Variants in ASIC1 observed in about 807,000 individuals in gnomAD.
ASIC1 encodes the protein acid sensing ion channel subunit 1.
Under a neutral mutation model 63.4 loss-of-function variants are expected in ASIC1, and 21 were observed. That is an observed-to-expected ratio of 0.33 (90% CI 0.23 to 0.48). The LOEUF is 0.48. Ranked by LOEUF, ASIC1 falls within the 20% of genes least tolerant of loss-of-function variation. ASIC1 has a pLI of 0.99. For missense variants in ASIC1, 478 were observed against 695.5 expected, an observed-to-expected ratio of 0.69 and a Z score of 3.52; for synonymous variants, 258 against 278.2, an observed-to-expected ratio of 0.93 and a Z score of 0.72.
chr12:50,059,200 C>T lies in ASIC1; in HGVS notation c.362+72C>T, dbSNP rs907661138. 4 of 1,565,874 alleles carry T rather than the reference C, an allele frequency of 2.6e-6. No individual in the cohort carries two copies. The African/African-American group carries it at 5.4e-5, about 21-fold the overall frequency. On this transcript the variant is annotated intron_variant, in intron 2 of 11. Transcript: ENST00000447966. This position sits in a 1 kb window ranked among gnomAD's most constrained non-coding sequence, Gnocchi z 4.6. ...AGTTCCAGTCAGGATGTCTGCCTCC[C>T]TGACCCACCATAGAGCCCAGCCAAC...
At chr12:50,066,354 G>A (rs574516178) in intron 3 of ASIC1, among the ~76,000 whole-genome samples, 1 of 152,270 alleles carries the variant, frequency 6.6e-6, no homozygotes, top group South Asian at 2.1e-4. Context: ...GGTTCTTTGT[G>A]TGTGGCTGTA....
chr12:50,067,103 G>A (rs1273340162), intron 3 of ASIC1, among the ~76,000 whole-genome samples: 4 of 54,154 alleles, frequency 7.4e-5, no homozygotes, highest in Non-Finnish European at 1.6e-4. Flanking sequence ...TTTGTGCTAA[G>A]ATAAAAACTA....
chr12:50,072,572 C>T (rs975054117), intron 3 of ASIC1, among the ~76,000 whole-genome samples: 3 of 152,266 alleles, frequency 2.0e-5, no homozygotes, highest in Admixed American at 6.5e-5. Flanking sequence ...GTCCCCCTGC[C>T]CCACCCCCAG....
chr12:50,081,787 G>A lies in ASIC1; in HGVS notation c.*138G>A. ...CTTTCCTCTTGTCTGTGGTAAGGAA[G>A]GAGTCTTGACCATAGAGTCCTCTCT... On this transcript the variant is annotated 3_prime_UTR_variant, in exon 12 of 12. Transcript: ENST00000447966. 1.4e-6 allele frequency: 1 copy of A among 740,252 alleles called. No homozygotes were observed. The highest frequency in any genetic ancestry group is 2.7e-5 in the East Asian group (1 of 37,074). The allele number at this position is 740,252 out of a possible 1,614,324, so 45.9% of individuals were successfully genotyped here.
Position 50,080,594 on chromosome 12 carries a change from G to GCC in ASIC1, c.1297+6_1297+7insCC, listed in dbSNP as rs1330294677. 1 of 1,614,224 alleles carries GCC rather than the reference G, an allele frequency of 6.2e-7. No individual in the cohort carries two copies. The highest frequency in any genetic ancestry group is 8.5e-7 in the Non-Finnish European group (1 of 1,180,044). On this transcript the variant is annotated splice_donor_region_variant and intron_variant, in intron 9 of 11. Coordinates refer to ENST00000447966, the MANE Select transcript of ASIC1 (RefSeq NM_001095.4). ...ATGAGATTGCAGGGCTCCTGGGTGAGCTGCTGATGACACCTGTCCCCTTCT... is the reference window on the plus strand; with the variant it reads ...ATGAGATTGCAGGGCTCCTGGGTGAGCCCTGCTGATGACACCTGTCCCCTTCT...
intron 3 of ASIC1, among the ~76,000 whole-genome samples, chr12:50,066,427 AAGGGTATAG>A (rs1950546449): frequency 6.6e-6 from 1 of 152,070 alleles, no homozygotes; most frequent in Non-Finnish European, 1.5e-5. Context: ...AAGGGCAAGA[AAGGGTATAG>A]AGAAGAGACC....
chr12:50,080,224 C>A, intron 8 of ASIC1, 169 bp downstream of exon 8: 1 of 964,750 alleles, frequency 1.0e-6, no homozygotes, highest in Non-Finnish European at 1.5e-6. Flanking sequence ...AAGATCAAGC[C>A]AGAATAAGCA....
In ASIC1 at chr12:50,075,456, G is replaced by A. The variant is rs114629086; in HGVS notation, c.559-1757G>A. On this transcript the variant is annotated intron_variant, in intron 3 of 11. Transcript: ENST00000447966. Reference sequence around the variant, plus strand: ...GACACCTCTAATCCCATACAACTCCGGATGGAGTGTAGGCATGGGCATATG... The same window carrying A: ...GACACCTCTAATCCCATACAACTCCAGATGGAGTGTAGGCATGGGCATATG... 7.1e-3 allele frequency among the ~76,000 whole-genome samples: 1,082 copies of A among 152,334 alleles called. 11 individuals are homozygous for A. The highest frequency in any genetic ancestry group is 0.024 in the African/African-American group (1,003 of 41,580).
At chr12:50,080,611 T>C in intron 9 of ASIC1, 22 bp downstream of exon 9, 1 of 1,614,174 alleles carries the variant, frequency 6.2e-7, no homozygotes, top group South Asian at 1.1e-5. Context: ...ATGACACCTG[T>C]CCCCTTCTCA....
intron 3 of ASIC1, among the ~76,000 whole-genome samples, chr12:50,062,075 C>T (rs1434995896): frequency 6.6e-6 from 1 of 152,186 alleles, no homozygotes; most frequent in African/African-American, 2.4e-5. Flanking sequence ...TCACTCCTCC[C>T]TCTGCTCTCT....
At chr12:50,073,776 G>A (rs1300782149) in intron 3 of ASIC1, 1 of 1,536,102 alleles carries the variant, frequency 6.5e-7, no homozygotes, top group East Asian at 2.4e-5. Context: ...CCATGGACTT[G>A]GTGGCCTTTG....
intron 3 of ASIC1, among the ~76,000 whole-genome samples, chr12:50,068,625 A>G (rs1387865884): frequency 6.6e-6 from 1 of 151,658 alleles, no homozygotes; most frequent in Non-Finnish European, 1.5e-5. Flanking sequence ...TAACGTCTCT[A>G]CTTGGATGTC....
rs1950632112 is a variant in ASIC1, at chr12:50,074,332, G to C, written c.559-2881G>C. The C allele has an allele frequency of 7.0e-7, 1 of 1,426,424 alleles. No homozygotes were observed. Among genetic ancestry groups the C allele is most frequent in the South Asian group, 1.5e-5 (1 of 65,802 alleles). 88.4% of individuals were successfully genotyped at this position (1,426,424 alleles called of 1,614,324 possible). ...GTCACCTCCTGGGGTTGGGGCTGGG[G>C]CTGGGGCTGGGGCTGATGACTGTGC... On this transcript the variant is annotated intron_variant, in intron 3 of 11. Transcript: ENST00000447966. This position sits in a 1 kb window ranked among gnomAD's most constrained non-coding sequence, Gnocchi z 4.2.
rs1349077548 is a variant in ASIC1 at position 50,081,625 on chromosome 12, CACGTT to C, written c.1564_1568del (p.Thr522ArgfsTer12). The C allele has an allele frequency of 6.2e-7, 1 of 1,614,090 alleles. No individual in the cohort carries two copies. The highest frequency in any genetic ancestry group is 2.2e-5 in the East Asian group (1 of 44,878). ...TCCTACCTCACCATCCGGCCCGAGG[CACGTT>C]CGAGGACTTTACCTGCTGAGCCCCG... is the stretch of plus-strand genomic sequence containing the variant. On this transcript the variant is annotated frameshift_variant, in exon 12 of 12. Transcript: ENST00000447966. LOFTEE classifies it high-confidence loss of function.
At chr12:50,080,304 T>C (rs1950702159) in intron 8 of ASIC1, 194 bp from the exon 9 acceptor site, 2 of 756,150 alleles carry the variant, frequency 2.6e-6, no homozygotes, top group Admixed American at 2.7e-5. Context: ...ACTTGATGCA[T>C]ACTGCATATG....
At chr12:50,073,760 A>G (rs974040764) in intron 3 of ASIC1, 15 of 1,536,116 alleles carry the variant, frequency 9.8e-6, no homozygotes, top group African/African-American at 2.7e-5. Flanking sequence ...AGTGAGGGGC[A>G]TTCACCCATG....
At chr12:50,077,881 C>G in intron 4 of ASIC1, 119 bp from the exon 5 acceptor site, 1 of 1,458,248 alleles carries the variant, frequency 6.9e-7, no homozygotes, top group Non-Finnish European at 9.2e-7. Context: ...TATAGACTTC[C>G]CCCACCCCAG....
At chr12:50,079,085 G>GGC in intron 7 of ASIC1, 105 bp downstream of exon 7, 2 of 1,145,076 alleles carry the variant, frequency 1.7e-6, no homozygotes, top group South Asian at 2.5e-5. Flanking sequence ...ATAACTCCTG[G>GGC]ACTGGGCTGC....
rs1950685297 is a variant in ASIC1 at position 50,078,807 on chromosome 12, C to T, written c.995-117C>T. ...GTCACTTCTGGGGCAGCATGGGGGC[C>T]TGCCAGTCCTCCCTTCCCATCTTCT... On this transcript the variant is annotated intron_variant, in intron 6 of 11. Transcript: ENST00000447966. This position sits in a 1 kb window ranked among gnomAD's most constrained non-coding sequence, Gnocchi z 6.0. The T allele has an allele frequency of 1.5e-6, 2 of 1,363,134 alleles. No homozygotes were observed. The highest frequency in any genetic ancestry group is 2.3e-5 in the South Asian group (2 of 85,360). 84.4% of individuals were successfully genotyped at this position (1,363,134 alleles called of 1,614,324 possible).
Sources: allele counts gnomAD v4.1 joint callset (sites outside exome capture counted in the v4.1 genomes callset), GRCh38; gene constraint gnomAD v4.1.1; non-coding constraint Gnocchi (gnomAD v3.1); transcripts MANE v1.5; gene names NCBI Gene and HGNC (gene_info 2026-07-23, HGNC 2026-07-21).